Variants in SGK1 observed in about 807,000 individuals in gnomAD.
The protein encoded by SGK1 is serine/threonine-protein kinase Sgk1.
Under a neutral mutation model 64.2 loss-of-function variants are expected in SGK1, and 26 were observed. The ratio of observed to expected loss-of-function variants is 0.40; its 90% confidence interval spans 0.30 to 0.56. The LOEUF is 0.56. Ranked by LOEUF, SGK1 falls within the 20% of genes least tolerant of loss-of-function variation. The pLI is 0.38. For missense variants in SGK1, 519 were observed against 645.6 expected, an observed-to-expected ratio of 0.80 and a Z score of 2.12; for synonymous variants, 265 against 239.7, an observed-to-expected ratio of 1.11 and a Z score of -0.98.
rs1268632514 is a variant in SGK1 at position 134,171,673 on chromosome 6, G to A, written c.1131C>T (p.Cys377=). 10 of 1,613,886 alleles carry A rather than the reference G, an allele frequency of 6.2e-6. No homozygotes were observed. Among genetic ancestry groups the A allele is most frequent in the African/African-American group, 1.3e-5 (1 of 75,002 alleles). The change falls in exon 11 of 14, where the codon TGC becomes TGT. Residue 377 remains cysteine, a synonymous_variant. Coordinates refer to ENST00000367858, the MANE Select transcript of SGK1 (RefSeq NM_001143676.3). Reference sequence around the variant, plus strand: ...GCATCTCATACAAGACAGCTCCCAGGCACCACCAGTCCACAGTCCTGTCAT... The same window carrying A: ...GCATCTCATACAAGACAGCTCCCAGACACCACCAGTCCACAGTCCTGTCAT... ...QPYDRTVDWW[C]LGAVLYEMLY... is the part of the protein sequence containing the mutation.
At chr6:134,175,727 G>A in intron 3 of SGK1, 1 of 1,375,610 alleles carries the variant, frequency 7.3e-7, no homozygotes, top group East Asian at 3.0e-5. Context: ...TTCCTTGAAG[G>A]AGCCGCCGTG....
chr6:134,246,116 TG>T lies in SGK1; in HGVS notation c.285+15816del, dbSNP rs547013967. On this transcript the variant is annotated intron_variant, in intron 2 of 13. Coordinates refer to ENST00000367858, the MANE Select transcript of SGK1 (RefSeq NM_001143676.3). ...TTATACATAGTTCAGAATCATCATA[TG>T]ATCTTCATGGTTGAGGCTTGTTTCT... Among the ~76,000 whole-genome samples the T allele has an allele frequency of 2.6e-3, 389 of 152,230 alleles. 3 individuals are homozygous for T. The highest frequency in any genetic ancestry group is 9.0e-3 in the African/African-American group (372 of 41,548).
chr6:134,171,037 C>T lies in SGK1; in HGVS notation c.1309G>A (p.Ala437Thr). 6.2e-7 allele frequency: 1 copy of T among 1,614,088 alleles called. No individual in the cohort carries two copies. Among genetic ancestry groups the T allele is most frequent in the South Asian group, 1.1e-5 (1 of 91,086 alleles). Reference protein sequence around the residue: ...LQKDRTKRLGAKDDFMEIKSH... With the variant: ...LQKDRTKRLGTKDDFMEIKSH... ...ACATCACTCACGAAGTCATCCTTGG[C>T]CCCGAGCCGCTTTGTCCTGTCCTTC... is the stretch of plus-strand genomic sequence containing the variant. The change falls in exon 12 of 14, where the codon GCC (alanine) becomes ACC (threonine). Residue 437 changes from alanine (A) to threonine (T), a missense_variant. Physicochemically the swap from Ala to Thr is moderately conservative, Grantham distance 58 (BLOSUM62 0). Around this residue, in one of 2 missense-constraint regions of SGK1, gnomAD observed 278 missense variants for 408.7 expected, o/e 0.68. Coordinates refer to ENST00000367858, the MANE Select transcript of SGK1 (RefSeq NM_001143676.3).
intron 2 of SGK1, among the ~76,000 whole-genome samples, chr6:134,228,346 G>A (rs1022555185): frequency 6.6e-6 from 1 of 152,078 alleles, no homozygotes; most frequent in African/African-American, 2.4e-5. Context: ...GGAAAATAGA[G>A]ATGATAAAAT....
In SGK1 at chr6:134,261,975, C is replaced by T; in HGVS notation, c.243G>A (p.Gln81=). The T allele has an allele frequency of 1.9e-6, 3 of 1,613,900 alleles. No individual in the cohort carries two copies. Among genetic ancestry groups the T allele is most frequent in the Non-Finnish European group, 2.5e-6 (3 of 1,179,796 alleles). Residue 81 remains glutamine (Q), a synonymous_variant, in exon 2 of 14, where the codon CAG becomes CAA. Coordinates refer to ENST00000367858, the MANE Select transcript of SGK1 (RefSeq NM_001143676.3). The stretch of plus-strand genomic sequence containing the variant: ...TTTCCCATGAACATGACTCGTTCTC[C>T]TGAGGGAGAACCCCTCTTTGGAAAG... The part of the protein sequence containing the change: ...EHAFQRGVLP[Q]ENESCSWETQ...
At chr6:134,236,138 G>T (rs1226064869) in intron 2 of SGK1, among the ~76,000 whole-genome samples, 3 of 152,106 alleles carry the variant, frequency 2.0e-5, no homozygotes, top group Non-Finnish European at 4.4e-5. Context: ...GTATTGGCAG[G>T]TTTGTCCCAA....
chr6:134,297,401 A>C (rs563641634), intron 1 of SGK1: 229 of 756,752 alleles, frequency 3.0e-4, no homozygotes, highest in Non-Finnish European at 4.2e-4. Context: ...CCAGCTCCCC[A>C]TGCTGCTCGG....
chr6:134,172,841 A>G, intron 8 of SGK1, 67 bp from the exon 9 acceptor site: 1 of 1,306,878 alleles, frequency 7.7e-7, no homozygotes, highest in East Asian at 2.3e-5. Context: ...CATACACAGC[A>G]AAAGAACAAC....
intron 1 of SGK1, among the ~76,000 whole-genome samples, chr6:134,266,457 A>T (rs1776855807): frequency 1.3e-5 from 2 of 151,986 alleles, no homozygotes; most frequent in African/African-American, 4.8e-5. Flanking sequence ...TCTCCTAAAA[A>T]TACAAAAATT....
chr6:134,240,998 A>C (rs1336521790), intron 2 of SGK1, among the ~76,000 whole-genome samples: 3 of 152,010 alleles, frequency 2.0e-5, no homozygotes, highest in Non-Finnish European at 2.9e-5. Flanking sequence ...GTAGAAAATC[A>C]AATCTCAATT....
At chr6:134,234,218 A>G (rs1370609341) in intron 2 of SGK1, among the ~76,000 whole-genome samples, 1 of 152,236 alleles carries the variant, frequency 6.6e-6, no homozygotes, top group Non-Finnish European at 1.5e-5. Flanking sequence ...CCTGGCCAAC[A>G]TGGTGAAACC....
Position 134,189,820 on chromosome 6 carries a change from C to A in SGK1, c.362-15234G>T, listed in dbSNP as rs548355690. Among the ~76,000 whole-genome samples, 6 of 150,404 alleles carry A rather than the reference C, an allele frequency of 4.0e-5. No individual in the cohort carries two copies. The South Asian group carries it at 8.5e-4, about 21-fold the overall frequency. On this transcript the variant is annotated intron_variant, in intron 3 of 13. Transcript: ENST00000367858. Reference sequence around the variant, plus strand: ...GAAGTATTCCCTTTTCTCTCTTTACCACATTGTAAGTACTGTTTTTTTTGG... The same window carrying A: ...GAAGTATTCCCTTTTCTCTCTTTACAACATTGTAAGTACTGTTTTTTTTGG...
intron 1 of SGK1, among the ~76,000 whole-genome samples, chr6:134,267,098 T>A (rs1416699962): frequency 6.6e-6 from 1 of 152,200 alleles, no homozygotes; most frequent in Admixed American, 6.5e-5. Context: ...AATCTTTGTA[T>A]CTTGAAATGT....
chr6:134,206,688 G>A (rs1427591351), intron 3 of SGK1, among the ~76,000 whole-genome samples: 1 of 151,022 alleles, frequency 6.6e-6, no homozygotes, highest in African/African-American at 2.4e-5. Context: ...CTAACATGGT[G>A]AAACCCTGTC....
intron 3 of SGK1, among the ~76,000 whole-genome samples, chr6:134,175,376 G>A (rs567428244): frequency 1.3e-5 from 2 of 152,056 alleles, no homozygotes; most frequent in African/African-American, 2.4e-5. Flanking sequence ...CACCCTCCGG[G>A]GTTTATCCCT....
intron 2 of SGK1, among the ~76,000 whole-genome samples, chr6:134,246,544 T>A (rs1776527422): frequency 6.6e-6 from 1 of 152,154 alleles, no homozygotes; most frequent in Non-Finnish European, 1.5e-5. Context: ...GTTCATACAT[T>A]CTCTCACTTG....
At chr6:134,187,916 C>T (rs943941554) in intron 3 of SGK1, among the ~76,000 whole-genome samples, 64 of 152,290 alleles carry the variant, frequency 4.2e-4, no homozygotes, top group African/African-American at 1.4e-3. Context: ...CAGATCACCC[C>T]GAGGAAAGGT....
intron 1 of SGK1, chr6:134,296,890 C>A: frequency 3.4e-6 from 1 of 296,870 alleles, no homozygotes; most frequent in Non-Finnish European, 6.6e-6. Flanking sequence ...TAGGACTGAG[C>A]CTCAGGTGGG....
At chr6:134,264,023 G>A (rs912497292) in intron 1 of SGK1, among the ~76,000 whole-genome samples, 2 of 152,082 alleles carry the variant, frequency 1.3e-5, no homozygotes, top group Admixed American at 1.3e-4. Context: ...ATAGAGATGT[G>A]AAGCAAATTT....
Sources: allele counts gnomAD v4.1 joint callset (sites outside exome capture counted in the v4.1 genomes callset), GRCh38; gene constraint gnomAD v4.1.1; regional missense constraint gnomAD v4.1.1; transcripts MANE v1.5; gene names NCBI Gene and HGNC (gene_info 2026-07-23, HGNC 2026-07-21).